Variants in NCOA7 observed in about 807,000 individuals in gnomAD.
NCOA7 encodes 140 kDa estrogen receptor-associated protein.
NCOA7 carries 45 observed loss-of-function variants against 104.3 expected under a neutral mutation model. The observed-to-expected ratio is 0.43, with a 90% CI of 0.34 to 0.55. The LOEUF is 0.55. Among genes scored for constraint, NCOA7 ranks in the 20% least tolerant of loss-of-function variants. NCOA7 has a pLI of 0.02. For missense variants in NCOA7, 1,041 were observed against 1,119.7 expected, an observed-to-expected ratio of 0.93 and a Z score of 1.00; for synonymous variants, 398 against 402.3, an observed-to-expected ratio of 0.99 and a Z score of 0.13.
chr6:125,916,198 A>ACGCT (rs1195693333), intron 11 of NCOA7, among the ~76,000 whole-genome samples: 1 of 152,162 alleles, frequency 6.6e-6, no homozygotes, highest in East Asian at 1.9e-4. Flanking sequence ...AGTTTCCGCT[A>ACGCT]CGCTCGCTCG....
At chr6:125,908,449 GT>G (rs1261703703) in intron 10 of NCOA7, among the ~76,000 whole-genome samples, 4 of 152,158 alleles carry the variant, frequency 2.6e-5, no homozygotes, top group African/African-American at 9.7e-5. Context: ...CCTTTGGAGA[GT>G]TTCCCTTCAG....
At chr6:125,833,595 G>C (rs577698971) in intron 2 of NCOA7, among the ~76,000 whole-genome samples, 3 of 150,698 alleles carry the variant, frequency 2.0e-5, no homozygotes, top group East Asian at 2.0e-4. Context: ...GGAAAGGGAG[G>C]GGGGGAGGGG....
intron 1 of NCOA7, chr6:125,802,532 G>C (rs1446634799): frequency 6.6e-6 from 1 of 152,186 alleles, no homozygotes. Context: ...AAGTCAATAT[G>C]AATATGACTG....
chr6:125,879,861 A>T (rs1259529044), intron 5 of NCOA7, among the ~76,000 whole-genome samples: 1 of 152,014 alleles, frequency 6.6e-6, no homozygotes, highest in Admixed American at 6.5e-5. Flanking sequence ...GCCAGTAGCC[A>T]GGCTTGGTGG....
intron 2 of NCOA7, among the ~76,000 whole-genome samples, chr6:125,830,729 A>ATGTG (rs1395862365): frequency 8.4e-6 from 1 of 119,074 alleles, no homozygotes; most frequent in East Asian, 2.9e-4. Context: ...TTTTATATAT[A>ATGTG]TATATATATG....
Position 125,889,947 on chromosome 6 carries a change from G to A in NCOA7, c.1893G>A (p.Leu631=). The change falls in exon 9 of 16, where the codon TTG becomes TTA. Residue 631 remains leucine, a synonymous_variant. Transcript: ENST00000392477. Reference sequence around the variant, plus strand: ...TGGATAATAAATCTGAAGTTCAGTTGTGGCTGTTAAAGAGAATTCAGGTAC... The same window carrying A: ...TGGATAATAAATCTGAAGTTCAGTTATGGCTGTTAAAGAGAATTCAGGTAC... ...AQMDNKSEVQ[L]WLLKRIQVPI... 15 of 1,560,402 alleles carry A rather than the reference G, an allele frequency of 9.6e-6. No homozygotes were observed. The highest frequency in any genetic ancestry group is 1.3e-5 in the Non-Finnish European group (15 of 1,157,404).
At chr6:125,887,563 A>G (rs1405324869) in intron 8 of NCOA7, among the ~76,000 whole-genome samples, 3 of 152,208 alleles carry the variant, frequency 2.0e-5, no homozygotes, top group African/African-American at 4.8e-5. Context: ...AACCAATTAC[A>G]TAGGCTTTTA....
intron 2 of NCOA7, among the ~76,000 whole-genome samples, chr6:125,835,294 G>A (rs1490248464): frequency 6.6e-6 from 1 of 152,048 alleles, no homozygotes; most frequent in Non-Finnish European, 1.5e-5. Flanking sequence ...TTGGCATGGA[G>A]CAACCTTACT....
chr6:125,859,549 A>G (rs1781869048), intron 3 of NCOA7, among the ~76,000 whole-genome samples: 1 of 152,242 alleles, frequency 6.6e-6, no homozygotes, highest in Admixed American at 6.5e-5. Flanking sequence ...TTCTCTGGTT[A>G]CAGAAATTTT....
At chr6:125,808,416 G>A (rs972359146) in intron 1 of NCOA7, among the ~76,000 whole-genome samples, 1 of 152,132 alleles carries the variant, frequency 6.6e-6, no homozygotes, top group African/African-American at 2.4e-5. Context: ...AGTTATAGTT[G>A]CCTCTTCTTC....
rs561484586 is a variant in NCOA7 at position 125,784,603 on chromosome 6, C to T, written c.-141-1534C>T. The stretch of plus-strand genomic sequence containing the variant: ...TGCAAATGAATGTTCATAGCAGTAG[C>T]TTTATTCATAATAGCCAAAAACTGG... On this transcript the variant is annotated intron_variant, in intron 1 of 16. Transcript: ENST00000368357. Among the ~76,000 whole-genome samples, 23 of 152,258 alleles carry T rather than the reference C, an allele frequency of 1.5e-4. No homozygotes were observed. In the East Asian group the frequency reaches 3.3e-3, roughly 22 times the overall value.
intron 11 of NCOA7, among the ~76,000 whole-genome samples, chr6:125,920,033 T>C (rs1278123347): frequency 1.3e-5 from 2 of 152,258 alleles, no homozygotes; most frequent in African/African-American, 2.4e-5. Context: ...AATCTGAAAG[T>C]AATCCAGTGA....
chr6:125,830,751 G>GTGTGTGTA (rs751977386), intron 2 of NCOA7, among the ~76,000 whole-genome samples: 2 of 148,418 alleles, frequency 1.3e-5, no homozygotes, highest in African/African-American at 5.0e-5. Context: ...GTGTGTGTGT[G>GTGTGTGTA]TGTGTGTGTA....
At chr6:125,811,520 G>A (rs1251888586) in intron 1 of NCOA7, among the ~76,000 whole-genome samples, 2 of 152,134 alleles carry the variant, frequency 1.3e-5, no homozygotes, top group East Asian at 1.9e-4. Context: ...CACACAAGTG[G>A]TCAGGGAAGG....
chr6:125,858,552 G>C (rs1230258807), intron 3 of NCOA7, among the ~76,000 whole-genome samples: 1 of 151,722 alleles, frequency 6.6e-6, no homozygotes, highest in Non-Finnish European at 1.5e-5. Context: ...TGAGAGAATT[G>C]CTTGAGCCCA....
intron 5 of NCOA7, among the ~76,000 whole-genome samples, chr6:125,879,303 T>C (rs1276569213): frequency 6.6e-6 from 1 of 152,218 alleles, no homozygotes; most frequent in Non-Finnish European, 1.5e-5. Context: ...TCTAGGATGC[T>C]CCTTTGTATG....
At position 125,929,500 on chromosome 6, in the gene NCOA7, G is replaced by T. The variant is rs981501790; in HGVS notation, c.*729G>T. 25 of 151,816 alleles carry T rather than the reference G, an allele frequency of 1.6e-4. No homozygotes were observed. The highest frequency in any genetic ancestry group is 5.6e-4 in the African/African-American group (23 of 41,330). 9.4% of individuals were successfully genotyped at this position (151,816 alleles called of 1,614,324 possible). ...GGTATATAGAGATATATGTGTGTGT[G>T]TATGTATATGTACATATACATATAT... On this transcript the variant is annotated 3_prime_UTR_variant, in exon 16 of 16. Transcript: ENST00000392477.
chr6:125,923,940 G>A (rs902249751), intron 13 of NCOA7, among the ~76,000 whole-genome samples: 5 of 152,124 alleles, frequency 3.3e-5, no homozygotes, highest in African/African-American at 9.7e-5. Context: ...TGACTTTATC[G>A]TAATATTATT....
At chr6:125,785,727 G>A (rs892564611) in intron 1 of NCOA7, among the ~76,000 whole-genome samples, 1 of 152,158 alleles carries the variant, frequency 6.6e-6, no homozygotes, top group Admixed American at 6.5e-5. Context: ...ACTATTCGTA[G>A]AAGAAATAAG....
Sources: gnomAD v4.1 joint callset for allele counts (sites outside exome capture counted in the v4.1 genomes callset) on GRCh38, gnomAD v4.1.1 for gene constraint, MANE v1.5 for transcripts, NCBI Gene and HGNC (gene_info 2026-07-23, HGNC 2026-07-21) for gene names.